Variants in VPS8 observed in about 807,000 individuals in gnomAD.
The protein encoded by VPS8 is vacuolar protein sorting-associated protein 8 homolog.
In VPS8, 129 loss-of-function variants were observed where a neutral mutation model predicts 216.4. The observed-to-expected ratio is 0.60, with a 90% CI of 0.52 to 0.69. The LOEUF (loss-of-function observed/expected upper bound fraction) is 0.69, where lower values mean the gene tolerates loss of function less well. Ranked by LOEUF, VPS8 falls within the 30% of genes least tolerant of loss-of-function variation. The pLI is 0.00. For missense variants in VPS8, 1,531 were observed against 1,683.5 expected, an observed-to-expected ratio of 0.91 and a Z score of 1.59; for synonymous variants, 571 against 565.4, an observed-to-expected ratio of 1.01 and a Z score of -0.14.
At chr3:184,895,670 C>T (rs1313517268) in intron 23 of VPS8, among the ~76,000 whole-genome samples, 1 of 98,490 alleles carries the variant, frequency 1.0e-5, no homozygotes, top group Non-Finnish European at 2.0e-5. Flanking sequence ...GACAGAGTTT[C>T]GCTCTGTCCC....
chr3:184,922,395 A>C, intron 29 of VPS8: 1 of 453,400 alleles, frequency 2.2e-6, no homozygotes, highest in South Asian at 1.6e-5. Context: ...TATTCTAATT[A>C]TTATTATTAT....
intron 30 of VPS8, among the ~76,000 whole-genome samples, chr3:184,926,234 G>A (rs187869302): frequency 9.8e-4 from 148 of 151,794 alleles, no homozygotes; most frequent in Middle Eastern, 3.4e-3. Context: ...AAAATGAGCC[G>A]GGCGTGGTGG....
chr3:185,045,837 G>A lies in VPS8; in HGVS notation c.4057-2642G>A, dbSNP rs1307133043. On this transcript the variant is annotated intron_variant, in intron 46 of 47. Coordinates refer to ENST00000625842, the MANE Select transcript of VPS8 (RefSeq NM_001009921.3). ...ATTTGTTTTCTTCCTTCCAGCGGAT[G>A]TAGTTACTGCTCCCACTTCCACATC... Among the ~76,000 whole-genome samples the A allele has an allele frequency of 2.0e-5, 3 of 151,436 alleles. No homozygotes were observed. The East Asian group carries it at 5.8e-4, about 30-fold the overall frequency.
At chr3:184,938,551 A>C (rs552600801) in intron 35 of VPS8, among the ~76,000 whole-genome samples, 1 of 151,870 alleles carries the variant, frequency 6.6e-6, no homozygotes, top group African/African-American at 2.4e-5. Flanking sequence ...AAAAGTCAGC[A>C]CTTCTGGTAA....
intron 37 of VPS8, among the ~76,000 whole-genome samples, chr3:184,962,936 T>C (rs1037068935): frequency 1.3e-5 from 2 of 152,094 alleles, no homozygotes; most frequent in Non-Finnish European, 2.9e-5. Context: ...CCATGTGGCA[T>C]TTTATTATCC....
At chr3:184,815,467 C>T (rs1716112297) in intron 1 of VPS8, among the ~76,000 whole-genome samples, 2 of 152,158 alleles carry the variant, frequency 1.3e-5, no homozygotes, top group Admixed American at 6.5e-5. Context: ...TGTGGTCTGT[C>T]GTTGACCCAA....
At chr3:184,970,419 T>C (rs570925227) in intron 39 of VPS8, among the ~76,000 whole-genome samples, 4 of 152,250 alleles carry the variant, frequency 2.6e-5, no homozygotes, top group African/African-American at 9.6e-5. Flanking sequence ...AAAGGTACAC[T>C]GAGAGTGACT....
chr3:184,987,114 A>AT (rs1751217849), intron 42 of VPS8, among the ~76,000 whole-genome samples: 1 of 151,132 alleles, frequency 6.6e-6, no homozygotes, highest in South Asian at 2.1e-4. Context: ...GCAACCACTA[A>AT]TTTTTTTTCT....
Position 184,957,523 on chromosome 3 carries a change from T to G in VPS8, c.3183+2T>G. On this transcript the variant is annotated splice_donor_variant, in intron 37 of 47. Transcript: ENST00000625842. LOFTEE classifies it high-confidence loss of function. Reference sequence around the variant, plus strand: ...TACCGTCTGGAAGAAACTATTCAGGTGAGACGAACAATGTAAAAGAGACAA... The same window carrying G: ...TACCGTCTGGAAGAAACTATTCAGGGGAGACGAACAATGTAAAAGAGACAA... The G allele has an allele frequency of 6.2e-7, 1 of 1,607,132 alleles. No homozygotes were observed. Among genetic ancestry groups the G allele is most frequent in the Admixed American group, 1.7e-5 (1 of 58,866 alleles).
At chr3:184,948,595 A>T (rs939872684) in intron 36 of VPS8, among the ~76,000 whole-genome samples, 1 of 152,188 alleles carries the variant, frequency 6.6e-6, no homozygotes, top group African/African-American at 2.4e-5. Context: ...AGTGGCCAGC[A>T]TAGTAATCAG....
At position 184,969,901 on chromosome 3, in the gene VPS8, C is replaced by CTTTT. The variant is rs755680287; in HGVS notation, c.3317-1725_3317-1722dup. ...CTCATGCCTGCCATCTACTTTCTTA[C>CTTTT]TTTTTTTTTTTTTTTTTTTTTTTTT... is the stretch of plus-strand genomic sequence containing the variant. On this transcript the variant is annotated intron_variant, in intron 39 of 47. Coordinates refer to ENST00000625842, the MANE Select transcript of VPS8 (RefSeq NM_001009921.3). Among the ~76,000 whole-genome samples, 20 of 110,224 alleles carry CTTTT rather than the reference C, an allele frequency of 1.8e-4. 1 individual carries two copies. The highest frequency in any genetic ancestry group is 3.3e-4 in the South Asian group (1 of 3,058). 72.3% of individuals were successfully genotyped at this position (110,224 alleles called of 152,430 possible).
intron 46 of VPS8, among the ~76,000 whole-genome samples, chr3:185,046,991 T>G (rs1382694608): frequency 6.6e-6 from 1 of 152,238 alleles, no homozygotes; most frequent in Non-Finnish European, 1.5e-5. Context: ...TACTGGGCAC[T>G]GGTGAGCAAG....
At chr3:184,858,969 C>T (rs926044192) in intron 14 of VPS8, among the ~76,000 whole-genome samples, 2 of 152,058 alleles carry the variant, frequency 1.3e-5, no homozygotes, top group African/African-American at 2.4e-5. Context: ...GTTTAAAATT[C>T]CCATTAAAAG....
chr3:184,819,389 A>G (rs552214265), intron 1 of VPS8, among the ~76,000 whole-genome samples: 22 of 152,354 alleles, frequency 1.4e-4, no homozygotes, highest in South Asian at 2.1e-4. Context: ...CTTAAGAACT[A>G]TAAAAACACT....
At chr3:184,918,359 ACTTGGGTTTTAGGTCTAC>A (rs1737983651) in intron 28 of VPS8, among the ~76,000 whole-genome samples, 1 of 152,204 alleles carries the variant, frequency 6.6e-6, no homozygotes, top group Admixed American at 6.5e-5. Context: ...ATGACTTACA[ACTTGGGTTTTAGGTCTAC>A]CTTTGTACTT....
At chr3:184,859,845 G>T (rs541745982) in intron 14 of VPS8, 140 bp from the exon 15 acceptor site, 1 of 572,604 alleles carries the variant, frequency 1.7e-6, no homozygotes, top group Non-Finnish European at 3.1e-6. Context: ...AATCATTTGT[G>T]TAATTATCAG....
chr3:184,916,206 A>G (rs1440728815), intron 28 of VPS8, among the ~76,000 whole-genome samples: 3 of 152,256 alleles, frequency 2.0e-5, no homozygotes, highest in Non-Finnish European at 4.4e-5. Context: ...TACGTGTTCA[A>G]TTAGAGATGA....
At chr3:184,999,326 T>C (rs1186127868) in intron 44 of VPS8, among the ~76,000 whole-genome samples, 1 of 152,234 alleles carries the variant, frequency 6.6e-6, no homozygotes, top group Non-Finnish European at 1.5e-5. Context: ...CCCAAAGTGC[T>C]GGGATTACAG....
At chr3:184,838,198 A>G (rs1254485204) in intron 5 of VPS8, among the ~76,000 whole-genome samples, 2 of 152,184 alleles carry the variant, frequency 1.3e-5, no homozygotes, top group Admixed American at 6.5e-5. Flanking sequence ...ACCGGTAAGG[A>G]GCTGGGACTA....
Sources: gnomAD v4.1 joint callset for allele counts (sites outside exome capture counted in the v4.1 genomes callset) on GRCh38, gnomAD v4.1.1 for gene constraint, MANE v1.5 for transcripts, NCBI Gene and HGNC (gene_info 2026-07-23, HGNC 2026-07-21) for gene names.